The following SCYL2 variants were observed in gnomAD, a reference collection of about 807,000 sequenced individuals.
SCYL2 encodes SCY1-like protein 2.
SCYL2 carries 36 observed loss-of-function variants against 100.4 expected under a neutral mutation model. The observed-to-expected ratio is 0.36, with a 90% CI of 0.27 to 0.47. SCYL2 has a LOEUF of 0.47. SCYL2 is among the 20% of genes least tolerant of loss of function. The pLI is 1.00. For missense variants in SCYL2, 902 were observed against 1,083.9 expected (o/e 0.83, Z 2.36); for synonymous variants, 330 against 359.2 (o/e 0.92, Z 0.92).
At chr12:100,281,204 T>A (rs1018748396) in intron 1 of SCYL2, among the ~76,000 whole-genome samples, 3 of 151,846 alleles carry the variant, frequency 2.0e-5, no homozygotes, top group African/African-American at 7.3e-5. Context: ...AATTTTCGAA[T>A]TTTTTGTAGG....
chr12:100,312,609 A>T lies in SCYL2; in HGVS notation c.808A>T (p.Asn270Tyr), dbSNP rs769226143. 1.3e-5 allele frequency: 21 copies of T among 1,612,898 alleles called. No individual in the cohort carries two copies. The highest frequency in any genetic ancestry group is 1.8e-5 in the Non-Finnish European group (21 of 1,179,298). Reference protein sequence around the residue: ...FNKGKPIFEVNKQDIYKSFSR... With the variant: ...FNKGKPIFEVYKQDIYKSFSR... ...TAAAGGGAAACCTATATTTGAAGTC[A>T]ACAAGCAAGATATTTACAAGAGTTT... is the stretch of plus-strand genomic sequence containing the variant. Residue 270 changes from asparagine (N) to tyrosine (Y), a missense_variant, in exon 6 of 18, where the codon AAC becomes TAC. Physicochemically the swap from Asn to Tyr is moderately radical, Grantham distance 143. Coordinates refer to ENST00000360820, the MANE Select transcript of SCYL2 (RefSeq NM_017988.6).
intron 6 of SCYL2, 34 bp downstream of exon 6, chr12:100,312,687 A>G (rs927176826): frequency 6.9e-7 from 1 of 1,457,466 alleles, no homozygotes; most frequent in East Asian, 2.3e-5. Context: ...TTGCATTAAA[A>G]AATTTATTAA....
In SCYL2 at chr12:100,334,009, A is replaced by G. The variant is rs895456467; in HGVS notation, c.1762-157A>G. 1.7e-5 allele frequency: 9 copies of G among 516,134 alleles called. No individual in the cohort carries two copies. The Admixed American group carries it at 2.5e-4, about 14-fold the overall frequency. The allele number at this position is 516,134 out of a possible 1,614,324, so 32.0% of individuals were successfully genotyped here. On this transcript the variant is annotated intron_variant, in intron 13 of 17. Transcript: ENST00000360820. ...AAGCTTGCTATGATATGCCGAATTT[A>G]AATGTATCATTCTTATTGAATATCA...
intron 11 of SCYL2, 47 bp downstream of exon 11, chr12:100,323,685 G>A (rs2096358758): frequency 1.0e-6 from 1 of 970,820 alleles, no homozygotes; most frequent in South Asian, 1.4e-5. Flanking sequence ...ACTTGTCAGT[G>A]CTTTAAATCA....
At chr12:100,328,991 A>T (rs1952173482) in intron 12 of SCYL2, among the ~76,000 whole-genome samples, 1 of 152,206 alleles carries the variant, frequency 6.6e-6, no homozygotes, top group African/African-American at 2.4e-5. Context: ...AGAACACAGG[A>T]TAAATATGTC....
intron 9 of SCYL2, among the ~76,000 whole-genome samples, chr12:100,317,262 A>T (rs1025944860): frequency 3.2e-4 from 49 of 152,250 alleles, no homozygotes; most frequent in Admixed American, 2.5e-3. Context: ...AATAAAAAAA[A>T]TTTTTTTAAG....
At chr12:100,328,617 G>A (rs1437702584) in intron 12 of SCYL2, among the ~76,000 whole-genome samples, 3 of 152,172 alleles carry the variant, frequency 2.0e-5, no homozygotes, top group African/African-American at 7.2e-5. Context: ...AGAATGAGGC[G>A]GAAATGTACT....
intron 10 of SCYL2, among the ~76,000 whole-genome samples, chr12:100,323,095 TATC>T (rs1330677246): frequency 6.6e-6 from 1 of 152,130 alleles, no homozygotes; most frequent in Non-Finnish European, 1.5e-5. Flanking sequence ...TGTTGTATGT[TATC>T]ATATGGATAT....
chr12:100,267,204 G>T lies in SCYL2; in HGVS notation c.-617G>T. On this transcript the variant is annotated 5_prime_UTR_variant, in exon 1 of 18. Transcript: ENST00000360820. ...TCTTTTTCCCCCTCCCTTACTCTTC[G>T]TCCCCGGTCCCTCCCCTCCCCACCC... The T allele has an allele frequency of 1.0e-6, 1 of 982,388 alleles. No homozygotes were observed. The highest frequency in any genetic ancestry group is 1.5e-6 in the Non-Finnish European group (1 of 680,898). The allele number at this position is 982,388 out of a possible 1,614,324, so 60.9% of individuals were successfully genotyped here.
In SCYL2 at chr12:100,315,545, T is replaced by C; in HGVS notation, c.1096-13T>C. ...ATTTTATTTTTTTTTTAAAAAACATTTTTGCCTTTCAGCGTGTCATTGTGC... is the reference window on the plus strand; with the variant it reads ...ATTTTATTTTTTTTTTAAAAAACATCTTTGCCTTTCAGCGTGTCATTGTGC... On this transcript the variant is annotated splice_polypyrimidine_tract_variant and intron_variant, in intron 8 of 17. Transcript: ENST00000360820. 6.4e-7 allele frequency: 1 copy of C among 1,561,060 alleles called. No homozygotes were observed. Among genetic ancestry groups the C allele is most frequent in the Non-Finnish European group, 8.6e-7 (1 of 1,158,742 alleles).
intron 4 of SCYL2, among the ~76,000 whole-genome samples, chr12:100,303,525 T>C (rs1423394236): frequency 1.3e-5 from 2 of 152,260 alleles, no homozygotes; most frequent in Admixed American, 1.3e-4. Context: ...CTCTGCTGCA[T>C]GTCTGTTGGA....
intron 10 of SCYL2, among the ~76,000 whole-genome samples, chr12:100,320,723 C>T (rs1307618753): frequency 6.6e-6 from 1 of 152,052 alleles, no homozygotes; most frequent in Non-Finnish European, 1.5e-5. Flanking sequence ...ATGGCACTTT[C>T]CAGTCGCTTT....
At chr12:100,325,690 C>T (rs961901170) in intron 11 of SCYL2, among the ~76,000 whole-genome samples, 3 of 152,088 alleles carry the variant, frequency 2.0e-5, no homozygotes, top group Non-Finnish European at 4.4e-5. Context: ...TCATTACTTA[C>T]ATGACTAATA....
rs372052086 is a variant in SCYL2 at position 100,337,438 on chromosome 12, G to A, written c.2077G>A (p.Ala693Thr). 1.5e-5 allele frequency: 24 copies of A among 1,610,930 alleles called. No individual in the cohort carries two copies. Among genetic ancestry groups the A allele is most frequent in the Admixed American group, 3.4e-5 (2 of 59,144 alleles). Residue 693 changes from alanine (A) to threonine (T), a missense_variant, in exon 17 of 18, where the codon GCA (alanine) becomes ACA (threonine). Ala to Thr is a moderately conservative substitution (Grantham distance 58). Coordinates refer to ENST00000360820, the MANE Select transcript of SCYL2 (RefSeq NM_017988.6). ...KQKLAKEQEQ[A>T]QKLKSQQPLK... is the part of the protein sequence containing the mutation. The stretch of plus-strand genomic sequence containing the variant: ...AAAATTAGCAAAAGAACAAGAGCAG[G>A]CACAGAAGCTGAAAAGCCAGCAGCC...
chr12:100,291,862 A>C, intron 3 of SCYL2: 2 of 514,790 alleles, frequency 3.9e-6, no homozygotes, highest in Non-Finnish European at 6.7e-6. Context: ...TACTTTCTTT[A>C]CTTTTGCCAT....
At chr12:100,290,985 C>CTAA (rs1305731272) in intron 2 of SCYL2, among the ~76,000 whole-genome samples, 1 of 151,974 alleles carries the variant, frequency 6.6e-6, no homozygotes, top group Non-Finnish European at 1.5e-5. Context: ...TACTAGTAAC[C>CTAA]GTTTACATTT....
At chr12:100,290,226 G>C (rs557368931) in intron 2 of SCYL2, among the ~76,000 whole-genome samples, 2 of 152,186 alleles carry the variant, frequency 1.3e-5, no homozygotes, top group South Asian at 4.1e-4. Flanking sequence ...TGACTCAAAG[G>C]CTCCTCTGAT....
At chr12:100,291,394 C>T in intron 2 of SCYL2, 109 bp from the exon 3 acceptor site, 1 of 696,790 alleles carries the variant, frequency 1.4e-6, no homozygotes, top group East Asian at 3.0e-5. Flanking sequence ...AAAAGTATTA[C>T]AATGGTGCTA....
At chr12:100,270,349 C>G (rs78880229) in intron 1 of SCYL2, among the ~76,000 whole-genome samples, 1 of 152,132 alleles carries the variant, frequency 6.6e-6, no homozygotes, top group Non-Finnish European at 1.5e-5. Context: ...ATCATTTAAT[C>G]TAATTTCCTA....
Sources: gnomAD v4.1 joint callset for allele counts (sites outside exome capture counted in the v4.1 genomes callset) on GRCh38, gnomAD v4.1.1 for gene constraint, MANE v1.5 for transcripts, NCBI Gene and HGNC (gene_info 2026-07-23, HGNC 2026-07-21) for gene names.